The following SPOP variants were observed in gnomAD, a reference collection of about 807,000 sequenced individuals.
The protein encoded by SPOP is speckle-type POZ protein.
Under a neutral mutation model 45.6 loss-of-function variants are expected in SPOP, and 11 were observed. The ratio of observed to expected loss-of-function variants is 0.24; its 90% confidence interval spans 0.15 to 0.40. The LOEUF (loss-of-function observed/expected upper bound fraction) is 0.40. SPOP is among the 10% of genes least tolerant of loss of function. SPOP has a pLI of 1.00. For missense variants in SPOP, 152 were observed against 465.6 expected, an observed-to-expected ratio of 0.33 and a Z score of 6.20; for synonymous variants, 166 against 166.3, an observed-to-expected ratio of 1.00 and a Z score of 0.01.
At chr17:49,626,917 T>C (rs1256750123) in intron 1 of SPOP, among the ~76,000 whole-genome samples, 3 of 152,160 alleles carry the variant, frequency 2.0e-5, no homozygotes, top group Admixed American at 6.5e-5. Flanking sequence ...AGTGGCGATC[T>C]TGGCTCACTG....
chr17:49,629,028 G>C (rs552389201), intron 1 of SPOP, among the ~76,000 whole-genome samples: 1 of 152,130 alleles, frequency 6.6e-6, no homozygotes, highest in Admixed American at 6.6e-5. Context: ...CGGATCATGA[G>C]GTCAGGAATT....
intron 3 of SPOP, 56 bp downstream of exon 3, chr17:49,621,890 C>G: frequency 6.3e-7 from 1 of 1,591,678 alleles, no homozygotes; most frequent in Admixed American, 1.7e-5. Context: ...CCCATAAAAC[C>G]AAACAAAACA....
intron 1 of SPOP, among the ~76,000 whole-genome samples, chr17:49,654,906 G>A (rs2072887642): frequency 6.6e-6 from 1 of 152,138 alleles, no homozygotes; most frequent in Admixed American, 6.5e-5. Context: ...AAGAAACTGA[G>A]TTTACTAGCA....
chr17:49,670,881 G>A (rs956330376), intron 1 of SPOP, among the ~76,000 whole-genome samples: 3 of 152,060 alleles, frequency 2.0e-5, no homozygotes, highest in African/African-American at 4.8e-5. Context: ...AAAAATATGC[G>A]ATTACAGCAT....
chr17:49,652,802 G>A (rs2143496405), intron 1 of SPOP, among the ~76,000 whole-genome samples: 1 of 152,204 alleles, frequency 6.6e-6, no homozygotes, highest in South Asian at 2.1e-4. Context: ...AATACTTAAG[G>A]AACTTATAAA....
intron 1 of SPOP, among the ~76,000 whole-genome samples, chr17:49,628,947 A>T (rs1462881100): frequency 1.2e-4 from 18 of 152,176 alleles, no homozygotes; most frequent in Admixed American, 1.2e-3. Context: ...AATTCAGTAC[A>T]AATACTCTGA....
chr17:49,620,417 G>A lies in SPOP; in HGVS notation c.201-1032C>T, dbSNP rs550960059. On this transcript the variant is annotated intron_variant, in intron 3 of 9. Transcript: ENST00000504102. ...CAGGAGGCAGAGGTTGCAGTGAGCC[G>A]AGATCGTGCCACTGCACTCCAGCCT... is the stretch of plus-strand genomic sequence containing the variant. 6.0e-4 allele frequency among the ~76,000 whole-genome samples: 88 copies of A among 147,878 alleles called. 1 individual carries two copies. The South Asian group carries it at 0.017, about 29-fold the overall frequency.
intron 2 of SPOP, 161 bp from the exon 3 acceptor site, chr17:49,622,228 T>A: frequency 1.1e-6 from 1 of 887,424 alleles, no homozygotes; most frequent in Non-Finnish European, 1.8e-6. Context: ...ATCCACATTT[T>A]AAGAAATCTC....
chr17:49,668,447 T>C (rs1189545512), intron 1 of SPOP, among the ~76,000 whole-genome samples: 2 of 152,042 alleles, frequency 1.3e-5, no homozygotes, highest in Non-Finnish European at 2.9e-5. Flanking sequence ...AGGTAAAGAA[T>C]GGTATTGACT....
rs535007817 is a variant in SPOP, at chr17:49,625,513, C to G, written c.-66-2637G>C. ...ATCCCAGCTACTCCGGAGGCTGAGG[C>G]AGGAGAATCGCTTGAACCTGGGAGG... On this transcript the variant is annotated intron_variant, in intron 1 of 9. Transcript: ENST00000504102. 1.4e-3 allele frequency among the ~76,000 whole-genome samples: 218 copies of G among 152,214 alleles called. 1 individual carries two copies. The highest frequency in any genetic ancestry group is 6.8e-3 in the Middle Eastern group (2 of 294).
At chr17:49,647,032 G>C (rs900338505) in intron 1 of SPOP, among the ~76,000 whole-genome samples, 5 of 151,960 alleles carry the variant, frequency 3.3e-5, no homozygotes, top group African/African-American at 1.2e-4. Flanking sequence ...ACTCATGCCT[G>C]TAATTCCAGC....
intron 1 of SPOP, among the ~76,000 whole-genome samples, chr17:49,660,521 C>T (rs2072973243): frequency 6.6e-6 from 1 of 152,154 alleles, no homozygotes; most frequent in Non-Finnish European, 1.5e-5. Context: ...TGAATATAAG[C>T]TCCATGAGAG....
At chr17:49,608,526 C>A (rs957935431) in intron 6 of SPOP, among the ~76,000 whole-genome samples, 2 of 152,140 alleles carry the variant, frequency 1.3e-5, no homozygotes, top group African/African-American at 4.8e-5. Flanking sequence ...TAAAGCACAA[C>A]CCTACCTGAT....
At chr17:49,664,110 C>G (rs1199530736) in intron 1 of SPOP, among the ~76,000 whole-genome samples, 1 of 152,176 alleles carries the variant, frequency 6.6e-6, no homozygotes, top group Non-Finnish European at 1.5e-5. Flanking sequence ...TTTAATGTAA[C>G]AGTAACATCA....
chr17:49,607,175 C>T lies in SPOP; in HGVS notation c.837+75G>A, dbSNP rs945351081. 3.3e-5 allele frequency: 52 copies of T among 1,597,044 alleles called. No individual in the cohort carries two copies. The African/African-American group carries it at 6.4e-4, about 20-fold the overall frequency. On this transcript the variant is annotated intron_variant, in intron 8 of 9. Coordinates refer to ENST00000504102, the MANE Select transcript of SPOP (RefSeq NM_001007228.2). The stretch of plus-strand genomic sequence containing the variant: ...TATGCTCATTTTACCCACAATGCAA[C>T]ATAGAATCCTGTTCATGAAACACAA...
intron 1 of SPOP, among the ~76,000 whole-genome samples, chr17:49,635,809 T>A (rs1264084871): frequency 6.6e-6 from 1 of 151,666 alleles, no homozygotes; most frequent in Admixed American, 6.6e-5. Flanking sequence ...AATTTTTGTA[T>A]TTTTAGTAGA....
At chr17:49,617,830 A>T (rs1265626427) in intron 5 of SPOP, among the ~76,000 whole-genome samples, 1 of 151,182 alleles carries the variant, frequency 6.6e-6, no homozygotes, top group Non-Finnish European at 1.5e-5. Context: ...AGGCTAAGGC[A>T]GGAGAATCAC....
Position 49,600,374 on chromosome 17 carries a change from G to A in SPOP, c.*4C>T. ...TTAAACGGAGTCTTACAACAAGCAG[G>A]ATCTTAGGATTGCTTCAGGCGTTTG... On this transcript the variant is annotated 3_prime_UTR_variant, in exon 10 of 10. Transcript: ENST00000504102. This position sits in a 1 kb window ranked among gnomAD's most constrained non-coding sequence, Gnocchi z 4.2. 2 of 1,613,942 alleles carry A rather than the reference G, an allele frequency of 1.2e-6. No individual in the cohort carries two copies. Among genetic ancestry groups the A allele is most frequent in the Non-Finnish European group, 1.7e-6 (2 of 1,179,970 alleles).
chr17:49,661,145 AAT>A (rs1243313316), intron 1 of SPOP, among the ~76,000 whole-genome samples: 5 of 152,194 alleles, frequency 3.3e-5, no homozygotes, highest in African/African-American at 4.8e-5. Context: ...CTACTAAAAA[AAT>A]AGTTAATAAA....
Sources: allele counts gnomAD v4.1 joint callset (sites outside exome capture counted in the v4.1 genomes callset), GRCh38; gene constraint gnomAD v4.1.1; non-coding constraint Gnocchi (gnomAD v3.1); transcripts MANE v1.5; gene names NCBI Gene and HGNC (gene_info 2026-07-23, HGNC 2026-07-21).